Variants in RIPOR2 observed in about 807,000 individuals in gnomAD.
The protein encoded by RIPOR2 is RHO family interacting cell polarization regulator 2.
RIPOR2 carries 39 observed loss-of-function variants against 114.5 expected under a neutral mutation model. The ratio of observed to expected loss-of-function variants is 0.34; its 90% confidence interval spans 0.26 to 0.44. The LOEUF is 0.44. Among genes scored for constraint, RIPOR2 ranks in the 20% least tolerant of loss-of-function variants. RIPOR2 has a pLI of 1.00. For synonymous variants in RIPOR2, 445 were observed against 484.4 expected (o/e 0.92, Z 1.07); for missense variants, 1,007 against 1,255.1 (o/e 0.80, Z 2.99).
chr6:24,856,619 A>G (rs1479202060), intron 8 of RIPOR2, among the ~76,000 whole-genome samples: 1 of 152,072 alleles, frequency 6.6e-6, no homozygotes, highest in African/African-American at 2.4e-5. Context: ...GCCGGGTGCG[A>G]TGGTGGGCAT....
intron 1 of RIPOR2, among the ~76,000 whole-genome samples, chr6:24,918,036 G>T (rs1581794867): frequency 6.6e-6 from 1 of 152,290 alleles, no homozygotes; most frequent in South Asian, 2.1e-4. Context: ...TCCATCTTCT[G>T]TCTCCTGGAG....
In RIPOR2 at chr6:24,973,181, T is replaced by C. The variant is rs974258040; in HGVS notation, c.76+68670A>G. ...TCAATTAGCTGCAGAGAATAGGGAA[T>C]GCTTATACACTGTTGGTGGGAATGT... On this transcript the variant is annotated intron_variant, in intron 1 of 13. Transcript: ENST00000510784. Among the ~76,000 whole-genome samples the C allele has an allele frequency of 4.6e-5, 7 of 152,326 alleles. No homozygotes were observed. In the East Asian group the frequency reaches 1.2e-3, roughly 25 times the overall value.
At chr6:25,006,878 A>AT (rs1561839996) in intron 1 of RIPOR2, among the ~76,000 whole-genome samples, 1 of 152,212 alleles carries the variant, frequency 6.6e-6, no homozygotes, top group Non-Finnish European at 1.5e-5. Flanking sequence ...AAAAACAAAC[A>AT]AACTGTGCCA....
In RIPOR2 at chr6:24,828,137, C is replaced by T; in HGVS notation, c.2665G>A (p.Val889Ile). ...ESYLSQLARQ[V>I]SMVQTLQSLR... ...AATGTGACAAAAGAACATGTCCCAC[C>T]TTGCCTGGCCAGCTGGCTCAGGTAA... Residue 889 changes from valine (V) to isoleucine (I), a missense_variant and splice_region_variant, in exon 18 of 22, where the codon GTT (valine) becomes ATT (isoleucine). Coordinates refer to ENST00000643898, the MANE Select transcript of RIPOR2 (RefSeq NM_001286445.3). 1 of 1,544,588 alleles carries T rather than the reference C, an allele frequency of 6.5e-7. No individual in the cohort carries two copies. The highest frequency in any genetic ancestry group is 8.7e-7 in the Non-Finnish European group (1 of 1,143,024).
intron 10 of RIPOR2, among the ~76,000 whole-genome samples, chr6:24,850,396 G>A (rs922398546): frequency 6.6e-6 from 1 of 152,174 alleles, no homozygotes; most frequent in East Asian, 1.9e-4. Context: ...CACTACGCCT[G>A]GCCAGAGGTG....
Position 24,809,794 on chromosome 6 carries a change from A to G in RIPOR2, c.2966T>C (p.Ile989Thr), listed in dbSNP as rs991764757. Residue 989 changes from isoleucine (I) to threonine (T), a missense_variant, in exon 21 of 22, where the codon ATT becomes ACT. By Grantham distance (89) the Ile-to-Thr change is moderately conservative (BLOSUM62 -1). Transcript: ENST00000643898. ...TTGACACAATGTCACCAGCATTTTA[A>G]TGCTTTCAGTAGCCTATGGGGGAAA... is the stretch of plus-strand genomic sequence containing the variant. Reference protein sequence around the residue: ...ALKILEATESIKMLVTLCQSD... With the variant: ...ALKILEATESTKMLVTLCQSD... 21 of 1,548,908 alleles carry G rather than the reference A, an allele frequency of 1.4e-5. No homozygotes were observed. Among genetic ancestry groups the G allele is most frequent in the Non-Finnish European group, 1.8e-5 (21 of 1,144,594 alleles).
intron 1 of RIPOR2, among the ~76,000 whole-genome samples, chr6:24,913,323 C>G (rs1006108160): frequency 2.8e-4 from 43 of 152,190 alleles, no homozygotes; most frequent in Non-Finnish European, 5.4e-4. Context: ...GCACAGTGGG[C>G]TGCATCTCCC....
intron 1 of RIPOR2, chr6:25,023,775 C>G (rs559323110): frequency 2.5e-6 from 2 of 798,946 alleles, no homozygotes; most frequent in Admixed American, 1.7e-5. Context: ...GTGGAGCCAT[C>G]GTTGACGTTG....
chr6:24,825,329 A>G lies in RIPOR2; in HGVS notation c.2765T>C (p.Leu922Pro). ...PSNLLAQQEV[L>P]RTLALLLTRE... The stretch of plus-strand genomic sequence containing the variant: ...GGTTAATAGCAGAGCCAGAGTCCTG[A>G]GTACTTCCTGCTGGGCCAGGAGGTT... Residue 922 changes from leucine to proline, a missense_variant, in exon 19 of 22, where the codon CTC becomes CCC. By Grantham distance (98) the Leu-to-Pro change is moderately conservative. Coordinates refer to ENST00000643898, the MANE Select transcript of RIPOR2 (RefSeq NM_001286445.3). 2 of 1,551,924 alleles carry G rather than the reference A, an allele frequency of 1.3e-6. No homozygotes were observed. The highest frequency in any genetic ancestry group is 1.7e-6 in the Non-Finnish European group (2 of 1,146,990).
At chr6:24,807,644 T>C (rs1051899600) in intron 21 of RIPOR2, among the ~76,000 whole-genome samples, 6 of 152,184 alleles carry the variant, frequency 3.9e-5, no homozygotes, top group Non-Finnish European at 7.3e-5. Flanking sequence ...TCCTCCATGG[T>C]GGCAAAGGTG....
intron 14 of RIPOR2, 56 bp downstream of exon 14, chr6:24,839,035 A>G: frequency 7.2e-7 from 1 of 1,384,008 alleles, no homozygotes; most frequent in African/African-American, 1.4e-5. Context: ...GTAACAAAGA[A>G]CTACTGTATC....
intron 19 of RIPOR2, among the ~76,000 whole-genome samples, chr6:24,824,892 T>C (rs543126673): frequency 1.4e-4 from 22 of 152,340 alleles, no homozygotes; most frequent in African/African-American, 5.1e-4. Context: ...TAGATCAATA[T>C]GTTCTATCGA....
At chr6:24,958,364 AT>A (rs1773140947) in intron 1 of RIPOR2, among the ~76,000 whole-genome samples, 1 of 152,190 alleles carries the variant, frequency 6.6e-6, no homozygotes, top group African/African-American at 2.4e-5. Flanking sequence ...CATTAGATCT[AT>A]TTTTAGCCTT....
At chr6:24,834,085 G>GAA (rs61555802) in intron 15 of RIPOR2, among the ~76,000 whole-genome samples, 56 of 143,896 alleles carry the variant, frequency 3.9e-4, no homozygotes, top group African/African-American at 7.6e-4. Flanking sequence ...GTTTTGATCA[G>GAA]AAAAAAAAAA....
At chr6:24,975,262 G>C (rs1392481052) in intron 1 of RIPOR2, among the ~76,000 whole-genome samples, 1 of 152,080 alleles carries the variant, frequency 6.6e-6, no homozygotes. Context: ...AGAATGTAGA[G>C]ATATTTACAG....
chr6:24,821,868 T>A (rs970802825), intron 19 of RIPOR2, among the ~76,000 whole-genome samples: 5 of 152,226 alleles, frequency 3.3e-5, no homozygotes, highest in African/African-American at 1.2e-4. Flanking sequence ...TGAAGCATTG[T>A]TATAATGCAA....
chr6:24,841,619 T>C (rs1257781450), intron 13 of RIPOR2, among the ~76,000 whole-genome samples: 10 of 512 alleles, frequency 0.02, no homozygotes, highest in African/African-American at 0.024. Flanking sequence ...ATCACCATAT[T>C]TTTTTTTTTT....
At chr6:24,820,355 A>G (rs1428733812) in intron 19 of RIPOR2, among the ~76,000 whole-genome samples, 1 of 152,242 alleles carries the variant, frequency 6.6e-6, no homozygotes, top group African/African-American at 2.4e-5. Context: ...TTTATAGGAC[A>G]ATTCCATTTA....
intron 1 of RIPOR2, chr6:25,023,996 G>T: frequency 1.3e-6 from 1 of 744,254 alleles, no homozygotes. Flanking sequence ...ATCCCGTGCT[G>T]CTTTGCGTAT....
Sources: allele counts gnomAD v4.1 joint callset (sites outside exome capture counted in the v4.1 genomes callset), GRCh38; gene constraint gnomAD v4.1.1; transcripts MANE v1.5; gene names NCBI Gene and HGNC (gene_info 2026-07-23, HGNC 2026-07-21).